The following SHANK2 variants were observed in gnomAD, a reference collection of about 807,000 sequenced individuals.
SHANK2 encodes the protein SH3 and multiple ankyrin repeat domains protein 2.
In SHANK2, 43 loss-of-function variants were observed where a neutral mutation model predicts 133.7. The observed-to-expected ratio is 0.32, with a 90% CI of 0.25 to 0.41. SHANK2 has a LOEUF of 0.41. Among genes scored for constraint, SHANK2 ranks in the 10% least tolerant of loss-of-function variants. The pLI is 1.00. For synonymous variants in SHANK2, 1,017 were observed against 952.8 expected, an observed-to-expected ratio of 1.07 and a Z score of -1.24; for missense variants, 1,994 against 2,235.8, an observed-to-expected ratio of 0.89 and a Z score of 2.18.
rs1241807611 is a variant in SHANK2, at chr11:71,169,479, G to C, written c.-12-22141C>G. Among the ~76,000 whole-genome samples, 5 of 152,220 alleles carry C rather than the reference G, an allele frequency of 3.3e-5. No individual in the cohort carries two copies. In the East Asian group the frequency reaches 9.6e-4, roughly 29 times the overall value. ...TGTGTATAAAACCAAGCTGGGTGCGGTGGCTCACGCCTATAATCCTAGCCA... is the reference window on the plus strand; with the variant it reads ...TGTGTATAAAACCAAGCTGGGTGCGCTGGCTCACGCCTATAATCCTAGCCA... On this transcript the variant is annotated intron_variant, in intron 2 of 25. Transcript: ENST00000601538.
intron 3 of SHANK2, among the ~76,000 whole-genome samples, chr11:71,136,529 A>G (rs1163089718): frequency 2.6e-5 from 4 of 152,238 alleles, no homozygotes; most frequent in South Asian, 2.1e-4. Context: ...GATACAAAGT[A>G]CATCATTCAG....
chr11:70,858,797 C>T (rs886506933), intron 11 of SHANK2, among the ~76,000 whole-genome samples: 4 of 152,374 alleles, frequency 2.6e-5, no homozygotes, highest in Admixed American at 2.6e-4. Flanking sequence ...CTCCCACTCA[C>T]ACCTCCATCT....
At position 71,214,469 on chromosome 11, in the gene SHANK2, A is replaced by G. The variant is rs150204960; in HGVS notation, c.-13+10228T>C. On this transcript the variant is annotated intron_variant, in intron 2 of 25. Coordinates refer to ENST00000601538, the MANE Select transcript of SHANK2 (RefSeq NM_012309.5). ...CTGGGACTTCTTTCTTCTGTAGCCA[A>G]AAGACATCGTGATTTAGCGCCATCA... Among the ~76,000 whole-genome samples, 1,071 of 152,316 alleles carry G rather than the reference A, an allele frequency of 7.0e-3. 16 individuals are homozygous for G. The highest frequency in any genetic ancestry group is 0.024 in the African/African-American group (1,006 of 41,576).
chr11:70,625,189 C>A (rs1396958213), intron 17 of SHANK2, among the ~76,000 whole-genome samples: 1 of 152,134 alleles, frequency 6.6e-6, no homozygotes, highest in African/African-American at 2.4e-5. Flanking sequence ...GGGTGTCTGC[C>A]GTCCTCCCTG....
chr11:71,134,273 G>C (rs1952394408), intron 3 of SHANK2, among the ~76,000 whole-genome samples: 1 of 151,544 alleles, frequency 6.6e-6, no homozygotes, highest in African/African-American at 2.4e-5. Context: ...AGGGGAGAGG[G>C]GGAAAGGGGA....
chr11:70,738,912 C>T (rs1272911285), intron 14 of SHANK2, among the ~76,000 whole-genome samples: 1 of 152,228 alleles, frequency 6.6e-6, no homozygotes, highest in African/African-American at 2.4e-5. Context: ...GAATGGAGAT[C>T]CGGCCCATGG....
chr11:71,217,163 C>T (rs1555120059), intron 2 of SHANK2, among the ~76,000 whole-genome samples: 2 of 151,626 alleles, frequency 1.3e-5, no homozygotes, highest in Admixed American at 6.6e-5. Flanking sequence ...TGCCATTGCA[C>T]TCCAGCCTGG....
chr11:71,184,121 C>T (rs1387192029), intron 2 of SHANK2, among the ~76,000 whole-genome samples: 2 of 152,178 alleles, frequency 1.3e-5, no homozygotes, highest in Admixed American at 6.5e-5. Context: ...AGCCCCTCCC[C>T]GGCGGCACCT....
Position 70,858,326 on chromosome 11 carries a change from G to A in SHANK2, c.1175-37644C>T, listed in dbSNP as rs563039108. On this transcript the variant is annotated intron_variant, in intron 11 of 25. Coordinates refer to ENST00000601538, the MANE Select transcript of SHANK2 (RefSeq NM_012309.5). ...CCAGGTTGCTCTTCTCTTAGCCATG[G>A]CCATGTCAGGTAGGCAGGGTGCATG... Among the ~76,000 whole-genome samples, 8 of 152,332 alleles carry A rather than the reference G, an allele frequency of 5.3e-5. No individual in the cohort carries two copies. In the South Asian group the frequency reaches 1.0e-3, roughly 20 times the overall value.
intron 14 of SHANK2, among the ~76,000 whole-genome samples, chr11:70,792,535 C>T (rs181236672): frequency 3.3e-4 from 51 of 152,354 alleles, no homozygotes; most frequent in African/African-American, 1.1e-3. Context: ...TCCTGAGCAG[C>T]CACTTCTTTA....
At chr11:71,075,899 G>A (rs1008339333) in intron 8 of SHANK2, among the ~76,000 whole-genome samples, 140,480 of 152,260 alleles carry the variant, frequency 0.92, 65,560 homozygotes, top group Non-Finnish European at 1. Flanking sequence ...CTTGTGAACC[G>A]TCAGGGCCCA....
chr11:70,662,080 G>A, intron 15 of SHANK2: 1 of 475,890 alleles, frequency 2.1e-6, no homozygotes, highest in Non-Finnish European at 3.9e-6. Context: ...GGCGGCGTCG[G>A]GAATGAGCTC....
chr11:70,600,547 T>G (rs2060481039), intron 17 of SHANK2, among the ~76,000 whole-genome samples: 1 of 149,690 alleles, frequency 6.7e-6, no homozygotes, highest in East Asian at 2.0e-4. Context: ...GGTGGGTGGG[T>G]TGGGGGTGAA....
intron 17 of SHANK2, among the ~76,000 whole-genome samples, chr11:70,592,707 C>T (rs782370586): frequency 3.3e-5 from 5 of 152,186 alleles, no homozygotes; most frequent in African/African-American, 4.8e-5. Context: ...CAGCCCCCTC[C>T]CATTTCGGCC....
intron 14 of SHANK2, among the ~76,000 whole-genome samples, chr11:70,753,150 G>C (rs1555037782): frequency 6.8e-6 from 1 of 146,164 alleles, no homozygotes; most frequent in African/African-American, 2.6e-5. Flanking sequence ...AAACAAACAT[G>C]AGGCAGAAAC....
intron 17 of SHANK2, among the ~76,000 whole-genome samples, chr11:70,630,761 G>A (rs1458327329): frequency 2.0e-5 from 3 of 152,194 alleles, no homozygotes; most frequent in African/African-American, 7.2e-5. Flanking sequence ...TGGAGGGAGA[G>A]GGCCCTGCCG....
At chr11:70,695,014 G>A (rs782057768) in intron 15 of SHANK2, among the ~76,000 whole-genome samples, 3 of 152,108 alleles carry the variant, frequency 2.0e-5, no homozygotes, top group Non-Finnish European at 4.4e-5. Flanking sequence ...CCCTGCACCC[G>A]TTATGAACCA....
At chr11:70,494,953 G>T (rs757056293) in intron 21 of SHANK2, among the ~76,000 whole-genome samples, 3 of 152,178 alleles carry the variant, frequency 2.0e-5, no homozygotes, top group Non-Finnish European at 4.4e-5. Flanking sequence ...TCTTCGATGA[G>T]CCTGATGCCT....
chr11:71,218,255 CT>C (rs1380632036), intron 2 of SHANK2, among the ~76,000 whole-genome samples: 6 of 126,846 alleles, frequency 4.7e-5, no homozygotes, highest in Non-Finnish European at 6.4e-5. Flanking sequence ...TTCTAATTTT[CT>C]TTTTCTTTTT....
Sources: gnomAD v4.1 joint callset for allele counts (sites outside exome capture counted in the v4.1 genomes callset) on GRCh38, gnomAD v4.1.1 for gene constraint, MANE v1.5 for transcripts, NCBI Gene and HGNC (gene_info 2026-07-23, HGNC 2026-07-21) for gene names.